RALGAPA2: variants seen among roughly 807,000 people sequenced by gnomAD.
The protein encoded by RALGAPA2 is ral GTPase-activating protein subunit alpha-2.
Under a neutral mutation model 230.4 loss-of-function variants are expected in RALGAPA2, and 139 were observed. The ratio of observed to expected loss-of-function variants is 0.60; its 90% confidence interval spans 0.53 to 0.69. The LOEUF (loss-of-function observed/expected upper bound fraction) is 0.69, where lower values mean the gene tolerates loss of function less well. Among genes scored for constraint, RALGAPA2 ranks in the 30% least tolerant of loss-of-function variants. The probability of loss-of-function intolerance (pLI) is 0.00; values close to 1 mark genes in which losing one functional copy is unlikely to be tolerated. For synonymous variants in RALGAPA2, 847 were observed against 837.8 expected (o/e 1.01, Z -0.19); for missense variants, 2,163 against 2,276.0 (o/e 0.95, Z 1.01).
At chr20:20,659,843 C>G (rs2067710784) in intron 3 of RALGAPA2, 2 of 681,816 alleles carry the variant, frequency 2.9e-6, no homozygotes, top group Non-Finnish European at 5.0e-6. Flanking sequence ...AAGAGGAAAG[C>G]TATTGTCCCT....
chr20:20,421,657 C>A (rs1390894224), intron 37 of RALGAPA2, among the ~76,000 whole-genome samples: 3 of 151,926 alleles, frequency 2.0e-5, no homozygotes, highest in African/African-American at 7.3e-5. Flanking sequence ...GCAACAAGAG[C>A]GAAACTCTGT....
chr20:20,652,278 AC>A (rs771567313), intron 4 of RALGAPA2, among the ~76,000 whole-genome samples: 7 of 152,076 alleles, frequency 4.6e-5, no homozygotes, highest in Non-Finnish European at 8.8e-5. Context: ...TTGATCTCCC[AC>A]CCAGAAAACC....
intron 38 of RALGAPA2, among the ~76,000 whole-genome samples, chr20:20,411,747 C>A (rs899488742): frequency 2.6e-5 from 4 of 152,176 alleles, no homozygotes; most frequent in Non-Finnish European, 5.9e-5. Flanking sequence ...AGCAAGAAAC[C>A]CACACTCCTG....
Position 20,398,997 on chromosome 20 carries a change from A to C in RALGAPA2, c.5618-2263T>G, listed in dbSNP as rs1438734215. The stretch of plus-strand genomic sequence containing the variant: ...TCTGTGGTGTTTCAGGGGAGGGGAC[A>C]AATTAGGAAACCAAAATGTCTCAGA... On this transcript the variant is annotated intron_variant, in intron 38 of 39. Transcript: ENST00000202677. The surrounding 1 kb of genome is among the most constrained non-coding windows in gnomAD (Gnocchi z 4.5). 6.6e-6 allele frequency among the ~76,000 whole-genome samples: 1 copy of C among 152,184 alleles called. No homozygotes were observed. The highest frequency in any genetic ancestry group is 1.5e-5 in the Non-Finnish European group (1 of 68,018).
chr20:20,676,200 G>T (rs1272351923), intron 3 of RALGAPA2, 36 bp downstream of exon 3: 5 of 1,348,872 alleles, frequency 3.7e-6, no homozygotes, highest in Non-Finnish European at 5.1e-6. Context: ...TTTCCAACAA[G>T]AATTATAAAA....
intron 20 of RALGAPA2, among the ~76,000 whole-genome samples, chr20:20,577,172 T>C (rs1004118562): frequency 1.3e-4 from 20 of 152,216 alleles, no homozygotes; most frequent in African/African-American, 4.8e-4. Flanking sequence ...TTGGCATTTT[T>C]AAGGCCTAAT....
chr20:20,541,290 G>A (rs2063635994), intron 24 of RALGAPA2, among the ~76,000 whole-genome samples: 1 of 152,128 alleles, frequency 6.6e-6, no homozygotes, highest in South Asian at 2.1e-4. Flanking sequence ...TGAAACTGTG[G>A]ATAGTACCAA....
At chr20:20,615,071 G>A (rs1238546716) in intron 13 of RALGAPA2, among the ~76,000 whole-genome samples, 1 of 152,088 alleles carries the variant, frequency 6.6e-6, no homozygotes, top group Non-Finnish European at 1.5e-5. Context: ...GACACATGGA[G>A]AAGAGGAAGA....
chr20:20,549,632 G>C (rs921017235), intron 23 of RALGAPA2, among the ~76,000 whole-genome samples: 1 of 152,202 alleles, frequency 6.6e-6, no homozygotes, highest in African/African-American at 2.4e-5. Context: ...ACAACTCGAA[G>C]ACTGTATCTT....
intron 34 of RALGAPA2, chr20:20,505,175 T>C: frequency 1.0e-6 from 1 of 984,842 alleles, no homozygotes; most frequent in Non-Finnish European, 1.2e-6. Context: ...TATTCAGTTC[T>C]GATAAAAAGC....
intron 36 of RALGAPA2, among the ~76,000 whole-genome samples, chr20:20,473,464 G>A (rs1453875643): frequency 1.3e-5 from 2 of 152,066 alleles, no homozygotes; most frequent in Non-Finnish European, 2.9e-5. Context: ...CTGCTTCCAA[G>A]ATACTGCATT....
chr20:20,512,462 A>T, intron 32 of RALGAPA2, 51 bp downstream of exon 32: 1 of 1,447,234 alleles, frequency 6.9e-7, no homozygotes. Context: ...AAAAAGAACA[A>T]GTACATGAAA....
At chr20:20,522,122 C>T (rs1225099630) in intron 30 of RALGAPA2, among the ~76,000 whole-genome samples, 1 of 151,866 alleles carries the variant, frequency 6.6e-6, no homozygotes, top group Non-Finnish European at 1.5e-5. Flanking sequence ...ATTAAAACCA[C>T]ACGTTATGTG....
intron 20 of RALGAPA2, among the ~76,000 whole-genome samples, chr20:20,574,306 G>A (rs2145943696): frequency 6.6e-6 from 1 of 152,322 alleles, no homozygotes; most frequent in African/African-American, 2.4e-5. Context: ...CTAGAGCAAA[G>A]GCTGTGAGAT....
chr20:20,685,203 T>C (rs1334362482), intron 1 of RALGAPA2, among the ~76,000 whole-genome samples: 2 of 151,482 alleles, frequency 1.3e-5, no homozygotes, highest in Non-Finnish European at 2.9e-5. Context: ...AAACATTTAC[T>C]AGCCCCTATC....
chr20:20,500,707 A>G (rs1569447802), intron 35 of RALGAPA2, among the ~76,000 whole-genome samples: 1 of 152,190 alleles, frequency 6.6e-6, no homozygotes, highest in African/African-American at 2.4e-5. Flanking sequence ...TCCTAATGGC[A>G]TCTAGAATGG....
rs555434241 is a variant in RALGAPA2, at chr20:20,689,994, C to T, written c.107-9193G>A. 3.3e-5 allele frequency among the ~76,000 whole-genome samples: 5 copies of T among 152,180 alleles called. No individual in the cohort carries two copies. In the East Asian group the frequency reaches 7.7e-4, roughly 24 times the overall value. ...CCCAAACCTTCCCTGTCCACTACCC[C>T]CCTCATCTCTGTCATATCTTTTTCA... On this transcript the variant is annotated intron_variant, in intron 1 of 39. Coordinates refer to ENST00000202677, the MANE Select transcript of RALGAPA2 (RefSeq NM_020343.4).
intron 3 of RALGAPA2, among the ~76,000 whole-genome samples, 161 bp downstream of exon 3, chr20:20,676,075 A>T (rs1029442079): frequency 6.6e-6 from 1 of 152,172 alleles, no homozygotes; most frequent in Non-Finnish European, 1.5e-5. Flanking sequence ...AATTATTTGT[A>T]GCACAGTTTG....
intron 33 of RALGAPA2, among the ~76,000 whole-genome samples, chr20:20,506,565 T>G (rs746123376): frequency 1.2e-4 from 18 of 152,188 alleles, no homozygotes; most frequent in Non-Finnish European, 2.5e-4. Context: ...AAAGTTTCGA[T>G]GTCCACTTCC....
Sources: gnomAD v4.1 joint callset for allele counts (sites outside exome capture counted in the v4.1 genomes callset) on GRCh38, gnomAD v4.1.1 for gene constraint, Gnocchi (gnomAD v3.1) non-coding constraint, MANE v1.5 for transcripts, NCBI Gene and HGNC (gene_info 2026-07-23, HGNC 2026-07-21) for gene names.